Variants in SETD3 observed in about 807,000 individuals in gnomAD.
The protein encoded by SETD3 is SET domain containing 3, actin N3(tau)-histidine methyltransferase, also known as actin-histidine N-methyltransferase.
Under a neutral mutation model 63.0 loss-of-function variants are expected in SETD3, and 19 were observed. That is an observed-to-expected ratio of 0.30 (90% confidence interval 0.21 to 0.44). The LOEUF (loss-of-function observed/expected upper bound fraction) is 0.44, where lower values mean the gene tolerates loss of function less well. Ranked by LOEUF, SETD3 falls within the 20% of genes least tolerant of loss-of-function variation. The pLI, the probability that SETD3 is intolerant of heterozygous loss-of-function variation, is 1.00. For synonymous variants in SETD3, 286 were observed against 264.1 expected, an observed-to-expected ratio of 1.08 and a Z score of -0.80; for missense variants, 587 against 728.5, an observed-to-expected ratio of 0.81 and a Z score of 2.24.
rs1296954791 is a variant in SETD3 at position 99,413,908 on chromosome 14, G to C, written c.702C>G (p.Pro234=). The C allele has an allele frequency of 6.2e-7, 1 of 1,614,040 alleles. No individual in the cohort carries two copies. Among genetic ancestry groups the C allele is most frequent in the Non-Finnish European group, 8.5e-7 (1 of 1,179,998 alleles). ...IQTHPHANKL[P]LKDSFTYEDY... ...CCTCGTAAGTGAAAGAATCCTTCAAGGGTAGTTTGTTGGCATGAGGATGGG... is the reference window on the plus strand; with the variant it reads ...CCTCGTAAGTGAAAGAATCCTTCAACGGTAGTTTGTTGGCATGAGGATGGG... The change falls in exon 7 of 13, where the codon CCC becomes CCG. Residue 234 remains proline, a synonymous_variant. Transcript: ENST00000331768.
intron 1 of SETD3, among the ~76,000 whole-genome samples, chr14:99,477,100 A>G (rs1423480026): frequency 6.6e-6 from 1 of 152,210 alleles, no homozygotes; most frequent in African/African-American, 2.4e-5. Flanking sequence ...TCAAAATCTT[A>G]ACTTCAAAGA....
At chr14:99,473,571 T>C (rs1595279854) in intron 1 of SETD3, among the ~76,000 whole-genome samples, 1 of 152,200 alleles carries the variant, frequency 6.6e-6, no homozygotes, top group South Asian at 2.1e-4. Context: ...GTATCCTGCA[T>C]TGACCCAACT....
intron 6 of SETD3, among the ~76,000 whole-genome samples, chr14:99,450,467 C>T (rs1445273309): frequency 2.6e-5 from 4 of 152,196 alleles, no homozygotes; most frequent in South Asian, 2.1e-4. Context: ...TGCCTCTTGG[C>T]GGGCCCTGTT....
At chr14:99,456,330 G>T (rs1274254222) in intron 6 of SETD3, among the ~76,000 whole-genome samples, 1 of 152,098 alleles carries the variant, frequency 6.6e-6, no homozygotes, top group Non-Finnish European at 1.5e-5. Flanking sequence ...AATCAACTGT[G>T]CAGACATTTG....
intron 8 of SETD3, chr14:99,410,096 C>A: frequency 1.0e-6 from 1 of 969,728 alleles, no homozygotes; most frequent in South Asian, 1.4e-5. Context: ...CGTAGTCATT[C>A]CACATAGGGT....
At chr14:99,474,627 G>A (rs1895876188) in intron 1 of SETD3, among the ~76,000 whole-genome samples, 1 of 152,172 alleles carries the variant, frequency 6.6e-6, no homozygotes, top group Admixed American at 6.5e-5. Flanking sequence ...CATTTTGGGA[G>A]GCCGAGGCGG....
intron 8 of SETD3, chr14:99,410,060 G>A (rs1891896042): frequency 1.4e-6 from 1 of 699,842 alleles, no homozygotes; most frequent in Non-Finnish European, 2.6e-6. Flanking sequence ...TAACAGGACA[G>A]GGCAGGAGGG....
chr14:99,424,054 A>G (rs1892744190), intron 6 of SETD3, among the ~76,000 whole-genome samples: 1 of 152,202 alleles, frequency 6.6e-6, no homozygotes, highest in Non-Finnish European at 1.5e-5. Flanking sequence ...TTTTCAATGA[A>G]AGAATAGTTT....
At chr14:99,481,186 T>G (rs1480414575), upstream of SETD3, 1 of 381,706 alleles carries the variant, frequency 2.6e-6, no homozygotes, top group Non-Finnish European at 4.6e-6. Context: ...CCAGAATGCC[T>G]TTTCGCCCCG....
At position 99,406,502 on chromosome 14, in the gene SETD3, GCCA is replaced by G; in HGVS notation, c.924+11_924+13del. Reference sequence around the variant, plus strand: ...CTGGCTGGCTCACATTTTGTGAGATGCCACGAGACCCACCTGCTCTCCAGCCCG... The same window carrying G: ...CTGGCTGGCTCACATTTTGTGAGATGCGAGACCCACCTGCTCTCCAGCCCG... On this transcript the variant is annotated intron_variant, in intron 9 of 12. Coordinates refer to ENST00000331768, the MANE Select transcript of SETD3 (RefSeq NM_032233.3). The G allele has an allele frequency of 6.2e-7, 1 of 1,613,630 alleles. No homozygotes were observed. The highest frequency in any genetic ancestry group is 8.5e-7 in the Non-Finnish European group (1 of 1,179,544).
chr14:99,432,245 T>G (rs368423922), intron 6 of SETD3, among the ~76,000 whole-genome samples: 41 of 152,300 alleles, frequency 2.7e-4, no homozygotes, highest in African/African-American at 9.4e-4. Flanking sequence ...AAAGAACCCG[T>G]AAGAGTCCTG....
intron 3 of SETD3, among the ~76,000 whole-genome samples, chr14:99,461,883 A>C (rs372892705): frequency 6.6e-6 from 1 of 152,266 alleles, no homozygotes; most frequent in African/African-American, 2.4e-5. Context: ...GTGTATCAAC[A>C]TAAGTATAAC....
At chr14:99,478,990 TCTTA>T (rs1386153220) in intron 1 of SETD3, among the ~76,000 whole-genome samples, 4 of 152,242 alleles carry the variant, frequency 2.6e-5, no homozygotes, top group African/African-American at 9.6e-5. Flanking sequence ...GCCATCACTT[TCTTA>T]CTGACAGTCA....
At chr14:99,472,394 C>A (rs1040903172) in intron 1 of SETD3, among the ~76,000 whole-genome samples, 8 of 152,114 alleles carry the variant, frequency 5.3e-5, no homozygotes, top group African/African-American at 1.9e-4. Flanking sequence ...CATGTAAGTT[C>A]CCCAACCTTA....
At chr14:99,481,776 A>C (rs1268043091), upstream of SETD3, among the ~76,000 whole-genome samples, 1 of 152,222 alleles carries the variant, frequency 6.6e-6, no homozygotes, top group East Asian at 1.9e-4. Flanking sequence ...GGGGTTGGGC[A>C]AAAGGGGCAG....
At chr14:99,460,202 A>G (rs1894992602) in intron 4 of SETD3, among the ~76,000 whole-genome samples, 1 of 152,220 alleles carries the variant, frequency 6.6e-6, no homozygotes, top group Non-Finnish European at 1.5e-5. Context: ...CACAGTAGAC[A>G]TTTAACAGGT....
chr14:99,484,253 C>T (rs1896428129), upstream of SETD3, among the ~76,000 whole-genome samples: 1 of 152,222 alleles, frequency 6.6e-6, no homozygotes, highest in Non-Finnish European at 1.5e-5. Flanking sequence ...GTGTCTCTGG[C>T]TCCATTTTCT....
chr14:99,452,995 T>G (rs774360746), intron 6 of SETD3, among the ~76,000 whole-genome samples: 1 of 152,232 alleles, frequency 6.6e-6, no homozygotes, highest in African/African-American at 2.4e-5. Context: ...TGCAAGTTCA[T>G]TTCTCTAGGG....
chr14:99,408,778 C>T (rs764397545), intron 8 of SETD3, among the ~76,000 whole-genome samples: 13 of 152,172 alleles, frequency 8.5e-5, no homozygotes, highest in South Asian at 2.1e-4. Context: ...GTGGCACTGC[C>T]AAACACTTCC....
Sources: gnomAD v4.1 joint callset for allele counts (sites outside exome capture counted in the v4.1 genomes callset) on GRCh38, gnomAD v4.1.1 for gene constraint, MANE v1.5 for transcripts, NCBI Gene and HGNC (gene_info 2026-07-23, HGNC 2026-07-21) for gene names.